The following RFTN1 variants were observed in gnomAD, a reference collection of about 807,000 sequenced individuals.
RFTN1 encodes raftlin.
RFTN1 carries 26 observed loss-of-function variants against 46.5 expected under a neutral mutation model. The observed-to-expected ratio is 0.56, with a 90% CI of 0.41 to 0.78. RFTN1 has a LOEUF of 0.78. RFTN1 is among the 30% of genes least tolerant of loss of function. The pLI, the probability that RFTN1 is intolerant of heterozygous loss-of-function variation, is 0.00. For synonymous variants in RFTN1, 261 were observed against 284.2 expected (o/e 0.92, Z 0.82); for missense variants, 693 against 718.7 (o/e 0.96, Z 0.41).
Position 16,452,536 on chromosome 3 carries a change from A to G in RFTN1, c.146-18499T>C, listed in dbSNP as rs775056641. ...GATGGGCAGATGAACGTTTGTTTTC[A>G]ATGAATTCACTGTGAAAACACAATC... On this transcript the variant is annotated intron_variant, in intron 2 of 9. Coordinates refer to ENST00000334133, the MANE Select transcript of RFTN1 (RefSeq NM_015150.2). This position sits in a 1 kb window ranked among gnomAD's most constrained non-coding sequence, Gnocchi z 6.3. Among the ~76,000 whole-genome samples the G allele has an allele frequency of 1.3e-5, 2 of 152,236 alleles. No homozygotes were observed. Among genetic ancestry groups the G allele is most frequent in the Admixed American group, 6.5e-5 (1 of 15,282 alleles).
Position 16,376,264 on chromosome 3 carries a change from C to T in RFTN1, c.826+1454G>A, listed in dbSNP as rs2073765957. Reference sequence around the variant, plus strand: ...ACAACTTTAACCTTTCCATGAGAAACTATCGTTCTATCCCCATTTCAAAGG... The same window carrying T: ...ACAACTTTAACCTTTCCATGAGAAATTATCGTTCTATCCCCATTTCAAAGG... On this transcript the variant is annotated intron_variant, in intron 5 of 9. Transcript: ENST00000334133. This position sits in a 1 kb window ranked among gnomAD's most constrained non-coding sequence, Gnocchi z 4.7. 3.3e-5 allele frequency among the ~76,000 whole-genome samples: 5 copies of T among 152,330 alleles called. No homozygotes were observed. Among genetic ancestry groups the T allele is most frequent in the South Asian group, 2.1e-4 (1 of 4,828 alleles).
chr3:16,506,667 A>G lies in RFTN1; in HGVS notation c.-9+6775T>C, dbSNP rs181332999. Among the ~76,000 whole-genome samples, 12 of 151,942 alleles carry G rather than the reference A, an allele frequency of 7.9e-5. No homozygotes were observed. The highest frequency in any genetic ancestry group is 1.8e-4 in the Non-Finnish European group (12 of 67,958). ...GAAGAAGCCAGGAGTTAGCCATGTTAACTCCACCCAAGCAGAGGTATGCAG... is the reference window on the plus strand; with the variant it reads ...GAAGAAGCCAGGAGTTAGCCATGTTGACTCCACCCAAGCAGAGGTATGCAG... On this transcript the variant is annotated intron_variant, in intron 1 of 9. Transcript: ENST00000334133. This position sits in a 1 kb window ranked among gnomAD's most constrained non-coding sequence, Gnocchi z 4.8.
chr3:16,323,960 C>CAA (rs2069379276), intron 8 of RFTN1, among the ~76,000 whole-genome samples: 1 of 152,180 alleles, frequency 6.6e-6, no homozygotes, highest in Non-Finnish European at 1.5e-5. Context: ...GCGGGCCCTG[C>CAA]AAGGCAGTGC....
chr3:16,398,271 A>AAAAAAAAAAAAAAAAAAG (rs1559322564), intron 4 of RFTN1, among the ~76,000 whole-genome samples: 1 of 149,586 alleles, frequency 6.7e-6, no homozygotes, highest in African/African-American at 2.5e-5. Context: ...AAAAAAAAAA[A>AAAAAAAAAAAAAAAAAAG]AAGAAGCATC....
chr3:16,392,016 G>T (rs1431303154), intron 4 of RFTN1, among the ~76,000 whole-genome samples: 1 of 151,770 alleles, frequency 6.6e-6, no homozygotes, highest in Non-Finnish European at 1.5e-5. Flanking sequence ...CTGGAACTGG[G>T]TTTAAAGTTC....
chr3:16,416,710 T>C (rs1268846201), intron 3 of RFTN1, among the ~76,000 whole-genome samples: 2 of 152,188 alleles, frequency 1.3e-5, no homozygotes, highest in African/African-American at 4.8e-5. Context: ...GAATGACTTA[T>C]AAAGATGAGT....
At position 16,448,925 on chromosome 3, in the gene RFTN1, T is replaced by C. The variant is rs529985539; in HGVS notation, c.146-14888A>G. ...ATCAATAGACAGTAGGCCCTCCAGT[T>C]GGTTGTGTTGAGTCCCTGGAAATGC... On this transcript the variant is annotated intron_variant, in intron 2 of 9. Transcript: ENST00000334133. This position sits in a 1 kb window ranked among gnomAD's most constrained non-coding sequence, Gnocchi z 4.1. Among the ~76,000 whole-genome samples, 5 of 152,284 alleles carry C rather than the reference T, an allele frequency of 3.3e-5. No individual in the cohort carries two copies. The East Asian group carries it at 9.6e-4, about 29-fold the overall frequency.
rs945623066 is a variant in RFTN1 at position 16,429,133 on chromosome 3, T to C, written c.332+4718A>G. Among the ~76,000 whole-genome samples the C allele has an allele frequency of 1.3e-5, 2 of 150,698 alleles. No individual in the cohort carries two copies. Among genetic ancestry groups the C allele is most frequent in the Non-Finnish European group, 3.0e-5 (2 of 67,506 alleles). The stretch of plus-strand genomic sequence containing the variant: ...TCAATACACTTAGAATTAAGAACAG[T>C]TTACAGTTAGATGTGTGGCTAGGCC... On this transcript the variant is annotated intron_variant, in intron 3 of 9. Coordinates refer to ENST00000334133, the MANE Select transcript of RFTN1 (RefSeq NM_015150.2). The surrounding 1 kb of genome is among the most constrained non-coding windows in gnomAD (Gnocchi z 6.4).
At chr3:16,438,102 C>T (rs1469091631) in intron 2 of RFTN1, among the ~76,000 whole-genome samples, 3 of 152,078 alleles carry the variant, frequency 2.0e-5, no homozygotes, top group Non-Finnish European at 4.4e-5. Flanking sequence ...GAATATGGGC[C>T]CTCAAACTCA....
intron 7 of RFTN1, chr3:16,349,183 G>A (rs2071927642): frequency 6.6e-6 from 1 of 152,228 alleles, no homozygotes; most frequent in Non-Finnish European, 1.5e-5. Flanking sequence ...CAGCAGAAGA[G>A]TACTAGCGGC....
At chr3:16,401,719 G>T (rs1241407081) in intron 4 of RFTN1, among the ~76,000 whole-genome samples, 1 of 152,210 alleles carries the variant, frequency 6.6e-6, no homozygotes, top group Non-Finnish European at 1.5e-5. Context: ...AACTGGTCTA[G>T]ATCTTGCAGT....
chr3:16,416,346 C>G (rs1419881615), intron 3 of RFTN1: 1 of 331,370 alleles, frequency 3.0e-6, no homozygotes, highest in Non-Finnish European at 5.8e-6. Flanking sequence ...ATCTGAGCCC[C>G]GTTAAGTTTT....
intron 3 of RFTN1, among the ~76,000 whole-genome samples, chr3:16,411,307 C>A (rs1032806659): frequency 4.6e-5 from 7 of 152,188 alleles, no homozygotes; most frequent in Non-Finnish European, 7.3e-5. Flanking sequence ...GCATTAAAAG[C>A]AATTTCTGCT....
Position 16,507,521 on chromosome 3 carries a change from G to A in RFTN1, c.-9+5921C>T, listed in dbSNP as rs1166592850. 2.0e-5 allele frequency among the ~76,000 whole-genome samples: 3 copies of A among 152,056 alleles called. No individual in the cohort carries two copies. Among genetic ancestry groups the A allele is most frequent in the Non-Finnish European group, 4.4e-5 (3 of 68,034 alleles). On this transcript the variant is annotated intron_variant, in intron 1 of 9. Transcript: ENST00000334133. This position sits in a 1 kb window ranked among gnomAD's most constrained non-coding sequence, Gnocchi z 7.1. ...CTATTACAACAGTTCCCCCAAATCT[G>A]AGGAACTTTAGCGCTATTCCATAAA...
At chr3:16,388,318 G>A (rs920276441) in intron 4 of RFTN1, among the ~76,000 whole-genome samples, 4 of 152,158 alleles carry the variant, frequency 2.6e-5, no homozygotes, top group African/African-American at 9.7e-5. Context: ...TCAGCATCTG[G>A]AACTGTTCCT....
rs1448121560 is a variant in RFTN1, at chr3:16,451,513, T to C, written c.146-17476A>G. Among the ~76,000 whole-genome samples, 6 of 152,228 alleles carry C rather than the reference T, an allele frequency of 3.9e-5. No individual in the cohort carries two copies. The highest frequency in any genetic ancestry group is 1.4e-4 in the African/African-American group (6 of 41,460). The stretch of plus-strand genomic sequence containing the variant: ...AATGAATAAGCCTAATCAAATATTA[T>C]ATGAATACAAACTAAAATAGAGTGG... On this transcript the variant is annotated intron_variant, in intron 2 of 9. Transcript: ENST00000334133. This position sits in a 1 kb window ranked among gnomAD's most constrained non-coding sequence, Gnocchi z 4.2.
chr3:16,392,460 C>G (rs1222509931), intron 4 of RFTN1, among the ~76,000 whole-genome samples: 1 of 152,132 alleles, frequency 6.6e-6, no homozygotes, highest in Non-Finnish European at 1.5e-5. Context: ...CACTTCTGAA[C>G]ACACAGATGG....
chr3:16,337,760 AAAG>A lies in RFTN1; in HGVS notation c.1147-10887_1147-10885del, dbSNP rs1284096876. On this transcript the variant is annotated intron_variant, in intron 7 of 9. Coordinates refer to ENST00000334133, the MANE Select transcript of RFTN1 (RefSeq NM_015150.2). This position sits in a 1 kb window ranked among gnomAD's most constrained non-coding sequence, Gnocchi z 5.0. ...CATCTCAAAAAAAAAAAAAAAAAGA[AAAG>A]AAAGTCACCTCATTTGATTTGAGAG... Among the ~76,000 whole-genome samples the A allele has an allele frequency of 7.2e-5, 11 of 152,084 alleles. No homozygotes were observed. The highest frequency in any genetic ancestry group is 2.1e-4 in the South Asian group (1 of 4,822).
In RFTN1 at chr3:16,427,530, G is replaced by A. The variant is rs532608279; in HGVS notation, c.332+6321C>T. Among the ~76,000 whole-genome samples the A allele has an allele frequency of 1.3e-5, 2 of 152,230 alleles. No homozygotes were observed. Among genetic ancestry groups the A allele is most frequent in the African/African-American group, 2.4e-5 (1 of 41,450 alleles). On this transcript the variant is annotated intron_variant, in intron 3 of 9. Coordinates refer to ENST00000334133, the MANE Select transcript of RFTN1 (RefSeq NM_015150.2). This position sits in a 1 kb window ranked among gnomAD's most constrained non-coding sequence, Gnocchi z 5.4. ...ATTCAGTCATCTGTGTTGCTCGTAA[G>A]CACTTGGGAGTACAGCTTGCTGATA...
Sources: allele counts gnomAD v4.1 joint callset (sites outside exome capture counted in the v4.1 genomes callset), GRCh38; gene constraint gnomAD v4.1.1; non-coding constraint Gnocchi (gnomAD v3.1); transcripts MANE v1.5; gene names NCBI Gene and HGNC (gene_info 2026-07-23, HGNC 2026-07-21).